Variants in B4GALT5 observed in about 807,000 individuals in gnomAD.
B4GALT5 encodes the protein UDP-Gal:beta-GlcNAc beta-1,4-galactosyltransferase 5.
A neutral mutation model predicts 45.0 loss-of-function variants in B4GALT5; 11 were observed. The observed-to-expected ratio is 0.24, with a 90% CI of 0.15 to 0.40. B4GALT5 has a LOEUF of 0.40. Ranked by LOEUF, B4GALT5 falls within the 10% of genes least tolerant of loss-of-function variation. The probability of loss-of-function intolerance (pLI) is 1.00; values close to 1 mark genes in which losing one functional copy is unlikely to be tolerated. For synonymous variants in B4GALT5, 185 were observed against 182.9 expected, an observed-to-expected ratio of 1.01 and a Z score of -0.09; for missense variants, 337 against 500.2, an observed-to-expected ratio of 0.67 and a Z score of 3.11.
intron 1 of B4GALT5, among the ~76,000 whole-genome samples, chr20:49,699,446 G>A: frequency 6.7e-6 from 1 of 149,466 alleles, no homozygotes; most frequent in East Asian, 2.0e-4. Flanking sequence ...GCATCTGACT[G>A]CATCGGACAT....
chr20:49,690,527 C>A (rs1383958792), intron 1 of B4GALT5, among the ~76,000 whole-genome samples: 1 of 143,792 alleles, frequency 7.0e-6, no homozygotes, highest in African/African-American at 2.6e-5. Context: ...CCAGCCTGGG[C>A]AACAACAGTG....
intron 5 of B4GALT5, among the ~76,000 whole-genome samples, chr20:49,641,620 T>C (rs79970942): frequency 2.0e-3 from 307 of 152,248 alleles, no homozygotes; most frequent in Non-Finnish European, 3.3e-3. Context: ...GGTGCTCAGC[T>C]TTTTTCTCAC....
intron 2 of B4GALT5, among the ~76,000 whole-genome samples, chr20:49,647,901 T>C (rs1298818821): frequency 6.6e-6 from 1 of 152,134 alleles, no homozygotes; most frequent in Admixed American, 6.6e-5. Context: ...TTCTGGAGAA[T>C]ACAGAACAGG....
At chr20:49,711,067 ACT>A (rs1256567959) in intron 1 of B4GALT5, among the ~76,000 whole-genome samples, 1 of 125,606 alleles carries the variant, frequency 8.0e-6, no homozygotes, top group Non-Finnish European at 1.7e-5. Flanking sequence ...GGCAACAGAG[ACT>A]CTCTATCAAA....
intron 1 of B4GALT5, among the ~76,000 whole-genome samples, chr20:49,680,954 T>C (rs1474082268): frequency 6.6e-6 from 1 of 152,114 alleles, no homozygotes; most frequent in Non-Finnish European, 1.5e-5. Flanking sequence ...ACTAGAATTA[T>C]AATTTAATAA....
chr20:49,642,452 A>G lies in B4GALT5; in HGVS notation c.606+16T>C. The stretch of plus-strand genomic sequence containing the variant: ...CTCAGAAGAGAAAAAAGAAAGGAAA[A>G]GAAAGGACTACTCACTTGTTCAACC... On this transcript the variant is annotated intron_variant, in intron 5 of 8. Transcript: ENST00000371711. The G allele has an allele frequency of 6.4e-7, 1 of 1,567,038 alleles. No homozygotes were observed. Among genetic ancestry groups the G allele is most frequent in the Non-Finnish European group, 8.8e-7 (1 of 1,141,968 alleles).
intron 3 of B4GALT5, among the ~76,000 whole-genome samples, chr20:49,644,429 T>TA: frequency 1.3e-5 from 2 of 152,242 alleles, no homozygotes; most frequent in East Asian, 3.9e-4. Flanking sequence ...CAGCTGAGCT[T>TA]AGAGTCATGT....
chr20:49,665,753 C>G (rs2085687744), intron 1 of B4GALT5, among the ~76,000 whole-genome samples: 1 of 147,872 alleles, frequency 6.8e-6, no homozygotes, highest in Non-Finnish European at 1.5e-5. Context: ...ATATTGGGAG[C>G]AGGGGCCAGG....
Position 49,713,670 on chromosome 20 carries a change from C to A in B4GALT5, c.21G>T (p.Leu7=). ...GCAGCGAGCGGCGCGGCAGCCGCAG[C>A]AGCCCCCGGCGGGCGCGCATGCTGC... is the stretch of plus-strand genomic sequence containing the variant. The part of the protein sequence containing the change: MRARRG[L]LRLPRRSLLA... Residue 7 remains leucine (L), a synonymous_variant, in exon 1 of 9, where the codon CTG becomes CTT. Transcript: ENST00000371711. The A allele has an allele frequency of 6.5e-7, 1 of 1,529,872 alleles. No individual in the cohort carries two copies. Among genetic ancestry groups the A allele is most frequent in the Non-Finnish European group, 8.8e-7 (1 of 1,136,322 alleles). The allele number at this position is 1,529,872 out of a possible 1,614,324, so 94.8% of individuals were successfully genotyped here.
At chr20:49,654,673 T>G (rs1333135233) in intron 2 of B4GALT5, among the ~76,000 whole-genome samples, 1 of 152,228 alleles carries the variant, frequency 6.6e-6, no homozygotes, top group African/African-American at 2.4e-5. Flanking sequence ...TTTGCAACAT[T>G]TGCAAAGCAA....
chr20:49,637,268 T>C (rs1374661034), intron 8 of B4GALT5, 73 bp downstream of exon 8: 1 of 1,357,720 alleles, frequency 7.4e-7, no homozygotes, highest in East Asian at 2.3e-5. Context: ...GAAGGGGCTG[T>C]AATATGCTCT....
intron 1 of B4GALT5, among the ~76,000 whole-genome samples, chr20:49,663,684 A>AG (rs1568722532): frequency 1.3e-5 from 1 of 75,170 alleles, no homozygotes; most frequent in Non-Finnish European, 2.5e-5. Context: ...AGAAAAAAAA[A>AG]AAAAAAATAT....
intron 1 of B4GALT5, among the ~76,000 whole-genome samples, chr20:49,694,333 C>T (rs1399367739): frequency 1.3e-5 from 2 of 151,932 alleles, no homozygotes; most frequent in East Asian, 3.9e-4. Context: ...GTTGGGAAAA[C>T]TGTAACTTCC....
chr20:49,688,937 C>CAA (rs780888236), intron 1 of B4GALT5, among the ~76,000 whole-genome samples: 1,739 of 74,116 alleles, frequency 0.023, 23 homozygotes, highest in East Asian at 0.1. Context: ...AACTCCATCT[C>CAA]AAAAAAAAAA....
intron 1 of B4GALT5, among the ~76,000 whole-genome samples, chr20:49,709,896 A>G (rs1009723074): frequency 6.6e-6 from 1 of 152,144 alleles, no homozygotes; most frequent in Non-Finnish European, 1.5e-5. Flanking sequence ...TTATTTAGTA[A>G]TTTTCCTCAT....
chr20:49,643,839 A>C (rs1157273004), intron 3 of B4GALT5, among the ~76,000 whole-genome samples, 189 bp from the exon 4 acceptor site: 1 of 151,818 alleles, frequency 6.6e-6, no homozygotes, highest in African/African-American at 2.4e-5. Flanking sequence ...GTGAAGAGGC[A>C]AATCAAGGAA....
At chr20:49,650,478 A>AC (rs1322267316) in intron 2 of B4GALT5, among the ~76,000 whole-genome samples, 1 of 133,024 alleles carries the variant, frequency 7.5e-6, no homozygotes, top group African/African-American at 2.8e-5. Context: ...AAAAAAAAAA[A>AC]ACACAAAAAT....
At chr20:49,642,345 C>T (rs1247421364) in intron 5 of B4GALT5, 123 bp downstream of exon 5, 1 of 749,022 alleles carries the variant, frequency 1.3e-6, no homozygotes, top group Non-Finnish European at 2.2e-6. Context: ...CTTCAAACCT[C>T]AGGCAACTCG....
chr20:49,701,910 A>G (rs1017000716), intron 1 of B4GALT5, among the ~76,000 whole-genome samples: 1 of 152,022 alleles, frequency 6.6e-6, no homozygotes, highest in African/African-American at 2.4e-5. Flanking sequence ...ACCAAAAATA[A>G]AAAAATTAGC....
Sources: allele counts gnomAD v4.1 joint callset (sites outside exome capture counted in the v4.1 genomes callset), GRCh38; gene constraint gnomAD v4.1.1; transcripts MANE v1.5; gene names NCBI Gene and HGNC (gene_info 2026-07-23, HGNC 2026-07-21).